Variants in ADAMTSL1 observed in about 807,000 individuals in gnomAD.
ADAMTSL1 encodes the protein ADAMTS like 1.
In ADAMTSL1, 126 loss-of-function variants were observed where a neutral mutation model predicts 201.8. The ratio of observed to expected loss-of-function variants is 0.62; its 90% CI spans 0.54 to 0.72. ADAMTSL1 has a LOEUF of 0.72. ADAMTSL1 is among the 30% of genes least tolerant of loss of function. ADAMTSL1 has a pLI of 0.00. For synonymous variants in ADAMTSL1, 1,121 were observed against 903.4 expected, an observed-to-expected ratio of 1.24 and a Z score of -4.32; for missense variants, 2,679 against 2,277.8, an observed-to-expected ratio of 1.18 and a Z score of -3.59.
chr9:18,518,084 G>T (rs576972291), intron 2 of ADAMTSL1, among the ~76,000 whole-genome samples: 1 of 152,254 alleles, frequency 6.6e-6, no homozygotes, highest in Non-Finnish European at 1.5e-5. Context: ...CATGTTGCTA[G>T]ATTCTGCAGC....
At chr9:18,579,418 C>T (rs889279143) in intron 4 of ADAMTSL1, among the ~76,000 whole-genome samples, 2 of 148,692 alleles carry the variant, frequency 1.3e-5, no homozygotes, top group Non-Finnish European at 3.0e-5. Context: ...GTGGGTGCAG[C>T]ACACCAGCAT....
intron 24 of ADAMTSL1, among the ~76,000 whole-genome samples, chr9:18,889,142 G>A (rs1829083529): frequency 6.6e-6 from 1 of 152,046 alleles, no homozygotes; most frequent in African/African-American, 2.4e-5. Flanking sequence ...GTACTGTGAT[G>A]GTTAAATATT....
intron 23 of ADAMTSL1, among the ~76,000 whole-genome samples, chr9:18,878,193 A>T (rs914154992): frequency 3.9e-5 from 6 of 152,228 alleles, no homozygotes; most frequent in African/African-American, 1.4e-4. Context: ...CCAGGCTACA[A>T]GCCTCCCAGC....
intron 2 of ADAMTSL1, among the ~76,000 whole-genome samples, chr9:18,258,188 A>T (rs139642148): frequency 2.0e-5 from 3 of 152,262 alleles, no homozygotes; most frequent in Non-Finnish European, 4.4e-5. Flanking sequence ...TACACTTAAA[A>T]ATAGGCAAAA....
At chr9:17,924,431 C>T (rs1390450232) in intron 1 of ADAMTSL1, among the ~76,000 whole-genome samples, 1 of 152,100 alleles carries the variant, frequency 6.6e-6, no homozygotes, top group Admixed American at 6.6e-5. Context: ...TTGCAGTATT[C>T]TCTGATGGTA....
chr9:18,542,750 C>G (rs989291495), intron 3 of ADAMTSL1, among the ~76,000 whole-genome samples: 5 of 152,160 alleles, frequency 3.3e-5, no homozygotes, highest in African/African-American at 1.2e-4. Context: ...CCCTAGTCAA[C>G]TAGTATACTA....
At position 18,776,846 on chromosome 9, in the gene ADAMTSL1, A is replaced by T; in HGVS notation, c.2617A>T (p.Thr873Ser). 1.2e-6 allele frequency: 2 copies of T among 1,602,564 alleles called. No homozygotes were observed. Among genetic ancestry groups the T allele is most frequent in the Non-Finnish European group, 1.7e-6 (2 of 1,175,056 alleles). Residue 873 changes from threonine (T) to serine (S), a missense_variant, in exon 19 of 29, where the codon ACT becomes TCT. Transcript: ENST00000380548. ...IAAARKVYIQ[T>S]RRQRKLHFVV... ...GGCCGCCAGGAAGGTCTACATACAGACTCGCAGGCAGAGGAAGCTGCACTT... is the reference window on the plus strand; with the variant it reads ...GGCCGCCAGGAAGGTCTACATACAGTCTCGCAGGCAGAGGAAGCTGCACTT...
chr9:18,029,582 A>G (rs1316370329), intron 1 of ADAMTSL1, among the ~76,000 whole-genome samples: 1 of 152,160 alleles, frequency 6.6e-6, no homozygotes, highest in African/African-American at 2.4e-5. Flanking sequence ...CTGCACAGCA[A>G]AAGAAACTAC....
chr9:18,276,839 C>T (rs1832607134), intron 2 of ADAMTSL1, among the ~76,000 whole-genome samples: 1 of 152,158 alleles, frequency 6.6e-6, no homozygotes, highest in East Asian at 1.9e-4. Flanking sequence ...AGACCCACCC[C>T]CAGGACCCAA....
intron 2 of ADAMTSL1, among the ~76,000 whole-genome samples, chr9:18,220,665 C>T (rs1830222403): frequency 6.6e-6 from 1 of 152,104 alleles, no homozygotes; most frequent in African/African-American, 2.4e-5. Context: ...CTCTATTTTG[C>T]ATGCATTTCC....
chr9:18,867,497 G>A (rs1015709768), intron 23 of ADAMTSL1, among the ~76,000 whole-genome samples: 2 of 152,134 alleles, frequency 1.3e-5, no homozygotes, highest in Non-Finnish European at 2.9e-5. Flanking sequence ...AAATAAACCT[G>A]ATGGTATATA....
intron 2 of ADAMTSL1, chr9:18,360,759 C>G (rs1836483669): frequency 6.6e-6 from 1 of 152,134 alleles, no homozygotes; most frequent in South Asian, 2.1e-4. Flanking sequence ...CATGAAAAAT[C>G]ACTCCAGTGC....
chr9:18,115,653 C>T (rs928753186), intron 1 of ADAMTSL1, among the ~76,000 whole-genome samples: 3 of 152,078 alleles, frequency 2.0e-5, no homozygotes, highest in African/African-American at 7.2e-5. Context: ...TTCCTGACAA[C>T]CCTCATGAAA....
At chr9:18,436,937 A>G (rs1202134920) in intron 2 of ADAMTSL1, among the ~76,000 whole-genome samples, 1 of 152,132 alleles carries the variant, frequency 6.6e-6, no homozygotes. Flanking sequence ...GACCCACCAT[A>G]AAGTTGTAGC....
intron 1 of ADAMTSL1, among the ~76,000 whole-genome samples, chr9:18,098,398 T>C (rs1824347925): frequency 6.6e-6 from 1 of 152,206 alleles, no homozygotes; most frequent in African/African-American, 2.4e-5. Flanking sequence ...TTTTTAAAAA[T>C]GTAGATCTTT....
At chr9:18,812,477 T>C (rs768796528) in intron 20 of ADAMTSL1, among the ~76,000 whole-genome samples, 5 of 152,182 alleles carry the variant, frequency 3.3e-5, no homozygotes, top group Non-Finnish European at 7.4e-5. Flanking sequence ...TGTAAAACTA[T>C]AAAACATTTA....
intron 2 of ADAMTSL1, among the ~76,000 whole-genome samples, chr9:18,391,249 T>C (rs1838033631): frequency 6.6e-6 from 1 of 152,228 alleles, no homozygotes; most frequent in Non-Finnish European, 1.5e-5. Flanking sequence ...TAAAATCTAC[T>C]TTCTTGGCCT....
chr9:17,918,820 G>A (rs1010510683), intron 1 of ADAMTSL1, among the ~76,000 whole-genome samples: 2 of 151,788 alleles, frequency 1.3e-5, no homozygotes, highest in African/African-American at 4.8e-5. Flanking sequence ...TTCTCTTGCA[G>A]TTCTAATAGT....
intron 1 of ADAMTSL1, among the ~76,000 whole-genome samples, chr9:17,957,830 C>T (rs924254241): frequency 5.3e-5 from 8 of 152,074 alleles, no homozygotes; most frequent in African/African-American, 1.9e-4. Context: ...CCAAGAGATG[C>T]TAAGGGCTGC....
Sources: allele counts gnomAD v4.1 joint callset (sites outside exome capture counted in the v4.1 genomes callset), GRCh38; gene constraint gnomAD v4.1.1; transcripts MANE v1.5; gene names NCBI Gene and HGNC (gene_info 2026-07-23, HGNC 2026-07-21).